The following KCNJ5 variants were observed in gnomAD, a reference collection of about 807,000 sequenced individuals.
KCNJ5 encodes the protein potassium inwardly rectifying channel subfamily J member 5.
Under a neutral mutation model 20.2 loss-of-function variants are expected in KCNJ5, and 12 were observed. The ratio of observed to expected loss-of-function variants is 0.59; its 90% confidence interval spans 0.38 to 0.96. The LOEUF (loss-of-function observed/expected upper bound fraction) is 0.96. KCNJ5 is among the 40% of genes least tolerant of loss of function. The pLI is 0.00. For synonymous variants in KCNJ5, 210 were observed against 213.9 expected (o/e 0.98, Z 0.16); for missense variants, 449 against 557.6 (o/e 0.81, Z 1.96).
chr11:128,899,299 T>A (rs551896551), intron 1 of KCNJ5, among the ~76,000 whole-genome samples: 14 of 152,254 alleles, frequency 9.2e-5, no homozygotes, highest in Non-Finnish European at 1.9e-4. Flanking sequence ...GCATTTGGAA[T>A]AAAATTGGGT....
In KCNJ5 at chr11:128,911,957, C is replaced by T. The variant is rs1326609767; in HGVS notation, c.684C>T (p.His228=). 1 of 1,600,000 alleles carries T rather than the reference C, an allele frequency of 6.3e-7. No homozygotes were observed. Among genetic ancestry groups the T allele is most frequent in the South Asian group, 1.1e-5 (1 of 88,998 alleles). Residue 228 remains histidine, a synonymous_variant, in exon 2 of 3, where the codon CAC becomes CAT. Transcript: ENST00000529694. The surrounding 1 kb of genome is among the most constrained non-coding windows in gnomAD (Gnocchi z 6.3). ...MFRVGDLRNS[H]IVEASIRAKL... ...GGGTGGGCGACCTCCGCAACTCCCA[C>T]ATCGTGGAGGCCTCCATCCGGGCCA...
intron 2 of KCNJ5, among the ~76,000 whole-genome samples, chr11:128,915,354 G>C (rs148421047): frequency 6.6e-6 from 1 of 152,180 alleles, no homozygotes; most frequent in Non-Finnish European, 1.5e-5. Context: ...CTGTGTGTGC[G>C]TCTGCTCCTC....
In KCNJ5 at chr11:128,891,437, CACACAGAGAGAGAGAGAGAG is replaced by C. The variant is rs1206502627; in HGVS notation, c.-293_-274del. ...ACACACACACACACACACACACACACACACAGAGAGAGAGAGAGAGAGAGAGAGAGAGAGAGAGATTGTTC... is the reference window on the plus strand; with the variant it reads ...ACACACACACACACACACACACACACAGAGAGAGAGAGAGAGAGATTGTTC... On this transcript the variant is annotated 5_prime_UTR_variant, in exon 1 of 3. Transcript: ENST00000529694. 1 of 74,426 alleles carries C rather than the reference CACACAGAGAGAGAGAGAGAG, an allele frequency of 1.3e-5. No homozygotes were observed. Among genetic ancestry groups the C allele is most frequent in the Non-Finnish European group, 2.5e-5 (1 of 39,626 alleles). 4.6% of individuals were successfully genotyped at this position (74,426 alleles called of 1,614,324 possible).
chr11:128,891,849 A>AG (rs1429972500), intron 1 of KCNJ5, 128 bp downstream of exon 1: 4 of 152,272 alleles, frequency 2.6e-5, no homozygotes. Context: ...ACTGGGAGCC[A>AG]GGGGGGATAA....
At chr11:128,900,256 G>A (rs1944253066) in intron 1 of KCNJ5, 1 of 152,120 alleles carries the variant, frequency 6.6e-6, no homozygotes, top group African/African-American at 2.4e-5. Flanking sequence ...GCTCCTTTCA[G>A]ACTAGAATTC....
intron 1 of KCNJ5, chr11:128,905,982 AG>A (rs1310956422): frequency 6.6e-6 from 1 of 152,140 alleles, no homozygotes; most frequent in Non-Finnish European, 1.5e-5. Context: ...GACACACCGT[AG>A]GAACTCGGGA....
chr11:128,904,536 G>T, intron 1 of KCNJ5: 1 of 1,376,448 alleles, frequency 7.3e-7, no homozygotes, highest in Non-Finnish European at 1.0e-6. Context: ...GTGCTACTCA[G>T]GTGTGCACTG....
In KCNJ5 at chr11:128,904,704, C is replaced by T; in HGVS notation, c.-10-6560C>T. On this transcript the variant is annotated intron_variant, in intron 1 of 2. Transcript: ENST00000529694. Reference sequence around the variant, plus strand: ...GAAGTGTGAGTCGACCTCCTTCTATCCCCAGAGCTCAACATAATTCAAACA... The same window carrying T: ...GAAGTGTGAGTCGACCTCCTTCTATTCCCAGAGCTCAACATAATTCAAACA... 9.9e-6 allele frequency: 6 copies of T among 605,922 alleles called. No homozygotes were observed. The South Asian group carries it at 1.2e-4, about 12-fold the overall frequency. 37.5% of individuals were successfully genotyped at this position (605,922 alleles called of 1,614,324 possible).
chr11:128,902,383 G>A, intron 1 of KCNJ5: 2 of 754,498 alleles, frequency 2.7e-6, no homozygotes, highest in Non-Finnish European at 4.3e-6. Context: ...TGGTGAACTG[G>A]AGGACTATCG....
chr11:128,901,631 C>T (rs1237507841), intron 1 of KCNJ5: 5 of 152,282 alleles, frequency 3.3e-5, no homozygotes, highest in Non-Finnish European at 7.3e-5. Flanking sequence ...CCTGCATCCT[C>T]GTCAACACCC....
At chr11:128,915,367 C>T (rs1944561618) in intron 2 of KCNJ5, among the ~76,000 whole-genome samples, 1 of 152,154 alleles carries the variant, frequency 6.6e-6, no homozygotes, top group African/African-American at 2.4e-5. Context: ...TGCTCCTCTT[C>T]CTGTGTGTAT....
chr11:128,904,476 C>T (rs1221685164), intron 1 of KCNJ5: 5 of 1,609,704 alleles, frequency 3.1e-6, no homozygotes, highest in East Asian at 2.2e-5. Flanking sequence ...GGCATCAGCA[C>T]GTTGTCCAGC....
chr11:128,891,376 G>C lies in KCNJ5; in HGVS notation c.-356G>C, dbSNP rs1010796644. Reference sequence around the variant, plus strand: ...GATTCATTTGTACCAGGGACGGAGGGAGAGAGGAGAGGGAGGAGGGGACAC... The same window carrying C: ...GATTCATTTGTACCAGGGACGGAGGCAGAGAGGAGAGGGAGGAGGGGACAC... On this transcript the variant is annotated 5_prime_UTR_variant, in exon 1 of 3. Coordinates refer to ENST00000529694, the MANE Select transcript of KCNJ5 (RefSeq NM_000890.5). 1.3e-5 allele frequency: 2 copies of C among 152,936 alleles called. No individual in the cohort carries two copies. Among genetic ancestry groups the C allele is most frequent in the African/African-American group, 2.4e-5 (1 of 40,834 alleles). The allele number at this position is 152,936 out of a possible 1,614,324, so 9.5% of individuals were successfully genotyped here. A position where few individuals can be genotyped will look rare whatever the true frequency, so the allele number is the denominator to read the frequency against.
intron 1 of KCNJ5, chr11:128,902,435 G>A (rs990312887): frequency 4.6e-6 from 6 of 1,302,228 alleles, no homozygotes; most frequent in East Asian, 5.0e-5. Context: ...TTTGCACAGG[G>A]TGCCAGTTAG....
At chr11:128,908,821 T>C (rs1331119669) in intron 1 of KCNJ5, among the ~76,000 whole-genome samples, 4 of 152,142 alleles carry the variant, frequency 2.6e-5, no homozygotes, top group Non-Finnish European at 5.9e-5. Context: ...TGGAAGCCTA[T>C]CTTGGTTCCA....
Position 128,915,077 on chromosome 11 carries a change from G to A in KCNJ5, c.938-1332G>A, listed in dbSNP as rs549106678. ...TTGGACCTGGGTCTGCTTTGTATGA[G>A]CCCCTCCCAGAGAAAGCCCAAAGTG... On this transcript the variant is annotated intron_variant, in intron 2 of 2. Coordinates refer to ENST00000529694, the MANE Select transcript of KCNJ5 (RefSeq NM_000890.5). 3.3e-5 allele frequency among the ~76,000 whole-genome samples: 5 copies of A among 152,376 alleles called. No individual in the cohort carries two copies. The East Asian group carries it at 9.6e-4, about 29-fold the overall frequency.
intron 1 of KCNJ5, among the ~76,000 whole-genome samples, chr11:128,909,067 A>G (rs548967486): frequency 2.0e-5 from 3 of 152,318 alleles, no homozygotes; most frequent in East Asian, 3.9e-4. Flanking sequence ...GAAATGGCCA[A>G]TGGACATCTG....
intron 1 of KCNJ5, chr11:128,902,393 G>A (rs970814387): frequency 8.4e-5 from 71 of 841,248 alleles, no homozygotes; most frequent in Non-Finnish European, 1.2e-4. Context: ...GAGGACTATC[G>A]CACTGCCCAA....
chr11:128,905,448 G>A (rs540354706), intron 1 of KCNJ5: 84 of 152,638 alleles, frequency 5.5e-4, no homozygotes, highest in African/African-American at 2.0e-3. Flanking sequence ...GGCGCTCAGG[G>A]CTCCCGGTTC....
Sources: gnomAD v4.1 joint callset for allele counts (sites outside exome capture counted in the v4.1 genomes callset) on GRCh38, gnomAD v4.1.1 for gene constraint, Gnocchi (gnomAD v3.1) non-coding constraint, MANE v1.5 for transcripts, NCBI Gene and HGNC (gene_info 2026-07-23, HGNC 2026-07-21) for gene names.